The following ZNF527 variants were observed in gnomAD, a reference collection of about 807,000 sequenced individuals.
ZNF527 encodes zinc finger protein 527.
Under a neutral mutation model 13.5 loss-of-function variants are expected in ZNF527, and 5 were observed. The ratio of observed to expected loss-of-function variants is 0.37; its 90% CI spans 0.19 to 0.78. The LOEUF is 0.78. ZNF527 is among the 30% of genes least tolerant of loss of function. The pLI is 0.48. For missense variants in ZNF527, 628 were observed against 726.4 expected (o/e 0.86, Z 1.56); for synonymous variants, 209 against 243.1 (o/e 0.86, Z 1.30).
intron 2 of ZNF527, among the ~76,000 whole-genome samples, chr19:37,376,019 A>G (rs1198051886): frequency 6.6e-6 from 1 of 152,102 alleles, no homozygotes; most frequent in Non-Finnish European, 1.5e-5. Flanking sequence ...TGAAGACATC[A>G]TTGTGGTGGG....
chr19:37,378,095 A>G (rs1374084478), intron 2 of ZNF527, among the ~76,000 whole-genome samples: 3 of 151,700 alleles, frequency 2.0e-5, no homozygotes, highest in African/African-American at 7.3e-5. Context: ...CAGTGGCACA[A>G]TCTTGGCTCC....
chr19:37,380,119 A>G (rs1259594066), intron 3 of ZNF527, 158 bp from the exon 4 acceptor site: 2 of 1,372,026 alleles, frequency 1.5e-6, no homozygotes, highest in African/African-American at 1.5e-5. Flanking sequence ...CTCCTCATCC[A>G]TACAAGCGTC....
chr19:37,379,395 T>C (rs1004933398), intron 3 of ZNF527, 149 bp downstream of exon 3: 7 of 675,270 alleles, frequency 1.0e-5, no homozygotes, highest in African/African-American at 9.5e-5. Context: ...TTGAAATATA[T>C]ATTTGCTTAA....
intron 4 of ZNF527, 52 bp downstream of exon 4, chr19:37,380,424 G>T (rs775043792): frequency 1.3e-6 from 2 of 1,487,830 alleles, no homozygotes; most frequent in African/African-American, 2.8e-5. Flanking sequence ...ACTCAACCAA[G>T]TAGTAAGTAG....
chr19:37,379,302 C>T, intron 3 of ZNF527, 56 bp downstream of exon 3: 2 of 1,523,590 alleles, frequency 1.3e-6, no homozygotes, highest in Non-Finnish European at 1.8e-6. Context: ...GTTTTTGCTT[C>T]CTCTGTTGAG....
intron 2 of ZNF527, among the ~76,000 whole-genome samples, chr19:37,375,796 C>A (rs2040603238): frequency 6.6e-6 from 1 of 152,062 alleles, no homozygotes. Flanking sequence ...GAGGAGGAAC[C>A]AGCAAAAGAG....
At position 37,389,831 on chromosome 19, in the gene ZNF527, C is replaced by T; in HGVS notation, c.1782C>T (p.Val594=). The part of the protein sequence containing the change: ...CNECGNNFSC[V]SALRRHQRIH... ...AATGTGGGAATAATTTTAGCTGTGT[C>T]TCAGCCCTTAGACGACATCAGAGAA... The change falls in exon 5 of 5, where the codon GTC becomes GTT. Residue 594 remains valine (V), a synonymous_variant. Coordinates refer to ENST00000436120, the MANE Select transcript of ZNF527 (RefSeq NM_032453.2). 6.2e-7 allele frequency: 1 copy of T among 1,612,508 alleles called. No individual in the cohort carries two copies. Among genetic ancestry groups the T allele is most frequent in the Middle Eastern group, 1.7e-4 (1 of 6,056 alleles).
In ZNF527 at chr19:37,388,521, A is replaced by G. The variant is rs746246081; in HGVS notation, c.472A>G (p.Thr158Ala). Residue 158 changes from threonine to alanine, a missense_variant, in exon 5 of 5, where the codon ACT (threonine) becomes GCT (alanine). By Grantham distance (58) the Thr-to-Ala change is moderately conservative. Coordinates refer to ENST00000436120, the MANE Select transcript of ZNF527 (RefSeq NM_032453.2). ...MQVTAVKEIS[T>A]GKRDNEFSNS... is the part of the protein sequence containing the mutation. Reference sequence around the variant, plus strand: ...AGTGACAGCTGTTAAGGAAATCTCTACTGGGAAAAGAGACAATGAATTTAG... The same window carrying G: ...AGTGACAGCTGTTAAGGAAATCTCTGCTGGGAAAAGAGACAATGAATTTAG... 4.0e-5 allele frequency: 65 copies of G among 1,614,060 alleles called. No individual in the cohort carries two copies. The highest frequency in any genetic ancestry group is 5.5e-5 in the Non-Finnish European group (65 of 1,180,018).
chr19:37,386,932 G>A (rs1351726043), intron 4 of ZNF527, among the ~76,000 whole-genome samples: 1 of 151,810 alleles, frequency 6.6e-6, no homozygotes, highest in Non-Finnish European at 1.5e-5. Flanking sequence ...TGAATGGTAT[G>A]GACCTGACAA....
rs747952916 is a variant in ZNF527 at position 37,389,119 on chromosome 19, C to G, written c.1070C>G (p.Pro357Arg). The G allele has an allele frequency of 2.5e-6, 4 of 1,614,208 alleles. No individual in the cohort carries two copies. The Middle Eastern group carries it at 4.9e-4, about 200-fold the overall frequency. Residue 357 changes from proline to arginine, a missense_variant, in exon 5 of 5, where the codon CCG (proline) becomes CGG (arginine). By Grantham distance (103) the Pro-to-Arg change is moderately radical (BLOSUM62 -2). Transcript: ENST00000436120. The stretch of plus-strand genomic sequence containing the variant: ...CAGAGGATCCACACTGGAGAGAAAC[C>G]GTTTGCGTGCAATGAATGTGGGAAG... Reference protein sequence around the residue: ...QHQRIHTGEKPFACNECGKAF... With the variant: ...QHQRIHTGEKRFACNECGKAF...
Position 37,388,769 on chromosome 19 carries a change from T to A in ZNF527, c.720T>A (p.Pro240=). ...STYLSKDIGI[P]PGEKPYESHD... is the part of the protein sequence containing the mutation. ...ACCTTAGTAAAGATATAGGAATTCCTCCTGGGGAGAAACCTTATGAAAGTC... is the reference window on the plus strand; with the variant it reads ...ACCTTAGTAAAGATATAGGAATTCCACCTGGGGAGAAACCTTATGAAAGTC... The change falls in exon 5 of 5, where the codon CCT becomes CCA. Residue 240 remains proline, a synonymous_variant. Transcript: ENST00000436120. 1 of 1,612,992 alleles carries A rather than the reference T, an allele frequency of 6.2e-7. No individual in the cohort carries two copies. The highest frequency in any genetic ancestry group is 8.5e-7 in the Non-Finnish European group (1 of 1,179,806).
Position 37,391,226 on chromosome 19 carries a change from A to T in ZNF527, c.*1347A>T, listed in dbSNP as rs2040749605. 1.3e-5 allele frequency: 2 copies of T among 152,206 alleles called. No homozygotes were observed. The highest frequency in any genetic ancestry group is 4.8e-5 in the African/African-American group (2 of 41,454). The allele number at this position is 152,206 out of a possible 1,614,324, so 9.4% of individuals were successfully genotyped here. A position where few individuals can be genotyped will look rare whatever the true frequency, so the allele number is the denominator to read the frequency against. On this transcript the variant is annotated 3_prime_UTR_variant, in exon 5 of 5. Coordinates refer to ENST00000436120, the MANE Select transcript of ZNF527 (RefSeq NM_032453.2). The stretch of plus-strand genomic sequence containing the variant: ...TGGGTCTAAACATATTCTGTGGCAG[A>T]ATATAATAACAATTAAATTGTAAAT...
At chr19:37,380,517 G>GT (rs1292898803) in intron 4 of ZNF527, 145 bp downstream of exon 4, 1 of 556,652 alleles carries the variant, frequency 1.8e-6, no homozygotes, top group African/African-American at 1.9e-5. Flanking sequence ...ACACCCTGGG[G>GT]TTTTTTCTTT....
intron 4 of ZNF527, among the ~76,000 whole-genome samples, chr19:37,384,279 C>T (rs926837865): frequency 2.5e-4 from 38 of 151,996 alleles, no homozygotes; most frequent in African/African-American, 8.7e-4. Context: ...GATCGCGCCA[C>T]GGCACTTCAG....
intron 3 of ZNF527, 141 bp downstream of exon 3, chr19:37,379,387 G>T: frequency 7.2e-6 from 5 of 695,292 alleles, no homozygotes; most frequent in East Asian, 3.6e-5. Context: ...GAAATGATTT[G>T]AAATATATAT....
At chr19:37,379,070 G>T in intron 2 of ZNF527, 50 bp from the exon 3 acceptor site, 1 of 1,609,628 alleles carries the variant, frequency 6.2e-7, no homozygotes, top group South Asian at 1.1e-5. Context: ...TTTTTGCTAG[G>T]ACCATATAGG....
intron 4 of ZNF527, 116 bp from the exon 5 acceptor site, chr19:37,388,190 A>G: frequency 1.7e-6 from 2 of 1,194,018 alleles, no homozygotes; most frequent in Middle Eastern, 2.7e-4. Flanking sequence ...AGCTATTAGA[A>G]CCACAGACTT....
chr19:37,375,295 TTTCTTTCTTTCTTTCTTTTC>T (rs1446935012), intron 2 of ZNF527, among the ~76,000 whole-genome samples: 67 of 108,866 alleles, frequency 6.2e-4, no homozygotes, highest in African/African-American at 2.0e-3. Flanking sequence ...TCTTTCTTTC[TTTCTTTCTTTCTTTCTTTTC>T]TTTCTTTCTT....
Position 37,390,102 on chromosome 19 carries a change from C to G in ZNF527, c.*223C>G. 2.5e-6 allele frequency: 1 copy of G among 407,116 alleles called. No homozygotes were observed. The highest frequency in any genetic ancestry group is 4.2e-6 in the Non-Finnish European group (1 of 237,936). The allele number at this position is 407,116 out of a possible 1,614,324, so 25.2% of individuals were successfully genotyped here. A position where few individuals can be genotyped will look rare whatever the true frequency, so the allele number is the denominator to read the frequency against. On this transcript the variant is annotated 3_prime_UTR_variant, in exon 5 of 5. Transcript: ENST00000436120. ...GGAGTGCAGTGGTGTAATCTTGGCTCACTGCAGCCTCTGCCTCCTGGGTTC... is the reference window on the plus strand; with the variant it reads ...GGAGTGCAGTGGTGTAATCTTGGCTGACTGCAGCCTCTGCCTCCTGGGTTC...
Sources: allele counts gnomAD v4.1 joint callset (sites outside exome capture counted in the v4.1 genomes callset), GRCh38; gene constraint gnomAD v4.1.1; transcripts MANE v1.5; gene names NCBI Gene and HGNC (gene_info 2026-07-23, HGNC 2026-07-21).